Variants in TPX2 observed in about 807,000 individuals in gnomAD.
The protein encoded by TPX2 is TPX2 microtubule nucleation factor.
A neutral mutation model predicts 93.6 loss-of-function variants in TPX2; 21 were observed. That is an observed-to-expected ratio of 0.22 (90% confidence interval 0.16 to 0.32). The LOEUF is 0.32. Among genes scored for constraint, TPX2 ranks in the 10% least tolerant of loss-of-function variants. The probability of loss-of-function intolerance (pLI) is 1.00; values close to 1 mark genes in which losing one functional copy is unlikely to be tolerated. For synonymous variants in TPX2, 281 were observed against 298.3 expected, an observed-to-expected ratio of 0.94 and a Z score of 0.60; for missense variants, 776 against 871.1, an observed-to-expected ratio of 0.89 and a Z score of 1.37.
chr20:31,771,064 A>G (rs184286474), intron 6 of TPX2, among the ~76,000 whole-genome samples: 39 of 152,300 alleles, frequency 2.6e-4, no homozygotes, highest in African/African-American at 9.1e-4. Context: ...AAAGGGCAGC[A>G]TCTATATCAG....
intron 7 of TPX2, among the ~76,000 whole-genome samples, chr20:31,774,438 C>A (rs993791154): frequency 4.0e-5 from 6 of 151,864 alleles, no homozygotes; most frequent in African/African-American, 4.8e-5. Context: ...TTATTGGTAA[C>A]CTTATTTGCC....
chr20:31,788,214 G>A (rs1277448708), intron 12 of TPX2, among the ~76,000 whole-genome samples: 1 of 151,664 alleles, frequency 6.6e-6, no homozygotes, highest in African/African-American at 2.4e-5. Context: ...GTCAGGAGTT[G>A]GAGACCAGCC....
intron 2 of TPX2, among the ~76,000 whole-genome samples, chr20:31,744,248 C>T (rs1035432502): frequency 1.3e-4 from 20 of 149,490 alleles, no homozygotes; most frequent in African/African-American, 4.2e-4. Context: ...ATGCAACCTC[C>T]GCCTCCCAGG....
Position 31,783,752 on chromosome 20 carries a change from G to A in TPX2, c.1244G>A (p.Gly415Glu). The change falls in exon 12 of 18, where the codon GGG (glycine) becomes GAG (glutamate). Residue 415 changes from glycine (G) to glutamate (E), a missense_variant. This residue lies in a region of TPX2 where 461 missense variants were observed against 551.2 expected (regional missense o/e 0.84). Transcript: ENST00000300403. ...RELDPRILEG[G>E]PILPKKPPVK... ...CTTGATCCCAGAATACTTGAAGGTG[G>A]GCCCATCTTGCCCAAGAAACCACCT... 1.2e-6 allele frequency: 2 copies of A among 1,612,960 alleles called. No homozygotes were observed. The highest frequency in any genetic ancestry group is 1.7e-6 in the Non-Finnish European group (2 of 1,179,668).
At chr20:31,775,023 G>T (rs1428281767) in intron 7 of TPX2, among the ~76,000 whole-genome samples, 10 of 152,142 alleles carry the variant, frequency 6.6e-5, no homozygotes, top group Non-Finnish European at 1.3e-4. Flanking sequence ...ACAGTGGCGT[G>T]ATCTTAGCTC....
chr20:31,798,230 T>G, intron 16 of TPX2, 135 bp from the exon 17 acceptor site: 1 of 1,101,242 alleles, frequency 9.1e-7, no homozygotes, highest in Non-Finnish European at 1.3e-6. Flanking sequence ...TGGCTCTACC[T>G]TTCTCCCAAT....
At chr20:31,789,148 T>C (rs573624670) in intron 12 of TPX2, among the ~76,000 whole-genome samples, 2 of 152,336 alleles carry the variant, frequency 1.3e-5, no homozygotes, top group South Asian at 4.1e-4. Context: ...ATTAGCTCCA[T>C]ATTCTGCTGG....
At chr20:31,779,039 C>T in intron 10 of TPX2, 55 bp downstream of exon 10, 1 of 1,486,750 alleles carries the variant, frequency 6.7e-7, no homozygotes, top group Non-Finnish European at 9.0e-7. Flanking sequence ...ATTCCCTCTG[C>T]TTACATCTTA....
chr20:31,754,599 T>C (rs998930552), intron 2 of TPX2, among the ~76,000 whole-genome samples: 3 of 152,176 alleles, frequency 2.0e-5, no homozygotes, highest in South Asian at 4.1e-4. Context: ...GGTGTTTTTT[T>C]CTTCTGAGGG....
chr20:31,755,101 A>G (rs1435663592), intron 2 of TPX2, among the ~76,000 whole-genome samples: 1 of 152,132 alleles, frequency 6.6e-6, no homozygotes, highest in East Asian at 1.9e-4. Flanking sequence ...GGTGCCCACC[A>G]CTGCGCCTGG....
At chr20:31,767,376 C>CTT (rs1262561541) in intron 5 of TPX2, among the ~76,000 whole-genome samples, 1 of 126,392 alleles carries the variant, frequency 7.9e-6, no homozygotes, top group Admixed American at 7.5e-5. Flanking sequence ...CTCTCTTTTT[C>CTT]TTTTTTTTCT....
intron 5 of TPX2, among the ~76,000 whole-genome samples, chr20:31,767,294 A>G (rs1461082597): frequency 6.6e-6 from 1 of 152,150 alleles, no homozygotes; most frequent in Non-Finnish European, 1.5e-5. Flanking sequence ...ATCTGTTTCC[A>G]AAGGCCTTGT....
rs187748106 is a variant in TPX2, at chr20:31,769,545, C to T, written c.357-798C>T. ...TTCACCATGTTATCCAGGATGGTCT[C>T]GATCTCCTGACCTGGTGATCCGCCT... On this transcript the variant is annotated intron_variant, in intron 5 of 17. Transcript: ENST00000300403. 2.2e-3 allele frequency among the ~76,000 whole-genome samples: 334 copies of T among 152,004 alleles called. 1 individual carries two copies. Among genetic ancestry groups the T allele is most frequent in the African/African-American group, 7.6e-3 (317 of 41,488 alleles).
chr20:31,791,090 T>C (rs762166817), intron 12 of TPX2, among the ~76,000 whole-genome samples: 24 of 152,110 alleles, frequency 1.6e-4, no homozygotes, highest in Non-Finnish European at 2.1e-4. Flanking sequence ...GATCAGTAGT[T>C]CGTTGTGGTT....
At chr20:31,741,597 G>C (rs1433900032) in intron 1 of TPX2, among the ~76,000 whole-genome samples, 1 of 152,038 alleles carries the variant, frequency 6.6e-6, no homozygotes, top group Non-Finnish European at 1.5e-5. Flanking sequence ...TCCTGCCTCA[G>C]CCTCCCAAGT....
At chr20:31,774,193 C>A (rs114407440) in intron 7 of TPX2, among the ~76,000 whole-genome samples, 1 of 152,118 alleles carries the variant, frequency 6.6e-6, no homozygotes, top group Non-Finnish European at 1.5e-5. Flanking sequence ...TAGTGTATTA[C>A]GATTACTAAT....
At chr20:31,739,944 C>T (rs576255756) in intron 1 of TPX2, among the ~76,000 whole-genome samples, 14 of 152,276 alleles carry the variant, frequency 9.2e-5, no homozygotes, top group South Asian at 2.1e-4. Context: ...GGTGTGAGAA[C>T]ATAATTGAGG....
In TPX2 at chr20:31,752,914, G is replaced by A. The variant is rs950172442; in HGVS notation, c.-70-4493G>A. On this transcript the variant is annotated intron_variant, in intron 2 of 17. Transcript: ENST00000300403. ...CAGGTGCGAGCCACTGAGCCTGGCCGCTTAGATCTACTTTTTGTGTGAAGA... is the reference window on the plus strand; with the variant it reads ...CAGGTGCGAGCCACTGAGCCTGGCCACTTAGATCTACTTTTTGTGTGAAGA... Among the ~76,000 whole-genome samples the A allele has an allele frequency of 1.3e-4, 20 of 152,018 alleles. 1 individual carries two copies. Among genetic ancestry groups the A allele is most frequent in the Admixed American group, 1.1e-3 (17 of 15,236 alleles).
intron 16 of TPX2, among the ~76,000 whole-genome samples, 199 bp downstream of exon 16, chr20:31,797,714 G>A (rs1388856348): frequency 6.6e-6 from 1 of 151,974 alleles, no homozygotes; most frequent in African/African-American, 2.4e-5. Flanking sequence ...GATGTGTTAG[G>A]GCCAGATTCA....
Sources: gnomAD v4.1 joint callset for allele counts (sites outside exome capture counted in the v4.1 genomes callset) on GRCh38, gnomAD v4.1.1 for gene constraint, gnomAD v4.1.1 regional missense constraint, MANE v1.5 for transcripts, NCBI Gene and HGNC (gene_info 2026-07-23, HGNC 2026-07-21) for gene names.